Variants in C20orf173 observed in about 807,000 individuals in gnomAD.
The protein encoded by C20orf173 is chromosome 20 open reading frame 173.
A neutral mutation model predicts 26.7 loss-of-function variants in C20orf173; 22 were observed. That is an observed-to-expected ratio of 0.82 (90% CI 0.59 to 1.18). The LOEUF is 1.18. C20orf173 is among the 50% of genes most tolerant of loss of function. The probability of loss-of-function intolerance (pLI) is 0.00; values close to 1 mark genes in which losing one functional copy is unlikely to be tolerated. For synonymous variants in C20orf173, 85 were observed against 96.4 expected (o/e 0.88, Z 0.69); for missense variants, 210 against 250.3 (o/e 0.84, Z 1.09).
downstream of C20orf173, among the ~76,000 whole-genome samples, chr20:35,524,184 A>AT (rs142719695): frequency 1.0e-3 from 149 of 148,744 alleles, 1 homozygote; most frequent in African/African-American, 3.5e-3. Context: ...TGCCCGGCTA[A>AT]TTTTTTTTTT....
chr20:35,526,413 C>T (rs1176086907), downstream of C20orf173, among the ~76,000 whole-genome samples: 1 of 152,086 alleles, frequency 6.6e-6, no homozygotes, highest in Non-Finnish European at 1.5e-5. Flanking sequence ...ATTGCTTGAG[C>T]CTAGGAGTTC....
rs1050191157 is a variant in C20orf173, at chr20:35,528,812, G to A, written c.377C>T (p.Ser126Leu). ...RKLFKGIPRL[S>L]VSHFDFYCGT... ...ACAATAGAAATCAAAATGGCTCACC[G>A]AGAGCCTGGGAATCCCTTTAAACAG... The change falls in exon 3 of 6, where the codon TCG (serine) becomes TTG (leucine). Residue 126 changes from serine (S) to leucine (L), a missense_variant. Ser to Leu is a moderately radical substitution (Grantham distance 145, BLOSUM62 -2). Transcript: ENST00000444723. 9.7e-6 allele frequency: 15 copies of A among 1,551,418 alleles called. No individual in the cohort carries two copies. Among genetic ancestry groups the A allele is most frequent in the Admixed American group, 3.9e-5 (2 of 50,948 alleles).
At position 35,529,306 on chromosome 20, in the gene C20orf173, T is replaced by C. The variant is rs1299396428; in HGVS notation, c.68A>G (p.Tyr23Cys). 6 of 1,551,354 alleles carry C rather than the reference T, an allele frequency of 3.9e-6. No individual in the cohort carries two copies. The highest frequency in any genetic ancestry group is 2.4e-5 in the East Asian group (1 of 40,920). Residue 23 changes from tyrosine to cysteine, a missense_variant, in exon 2 of 6, where the codon TAT becomes TGT. Physicochemically the swap from Tyr to Cys is radical, Grantham distance 194. Transcript: ENST00000444723. ...TGCTGATTCAGGTGTCAGATCCAGA[T>C]AGGGGGTCATCAGCCAGAGGATGAG... is the stretch of plus-strand genomic sequence containing the variant. ...WVLILWLMTP[Y>C]LDLTPESAPQ...
chr20:35,529,335 C>G lies in C20orf173; in HGVS notation c.39G>C (p.Trp13Cys), dbSNP rs1399227557. The change falls in exon 2 of 6, where the codon TGG becomes TGC. Residue 13 changes from tryptophan (W) to cysteine (C), a missense_variant. Coordinates refer to ENST00000444723, the MANE Select transcript of C20orf173 (RefSeq NM_001145350.2). ...RWQIFVLWVF[W>C]VLILWLMTPY... ...GGGTCATCAGCCAGAGGATGAGCAC[C>G]CAAAAGACCCACAGGACAAAAATCT... The G allele has an allele frequency of 1.3e-6, 2 of 1,548,774 alleles. No individual in the cohort carries two copies. Among genetic ancestry groups the G allele is most frequent in the African/African-American group, 1.4e-5 (1 of 72,984 alleles).
chr20:35,528,936 G>A (rs774590703), intron 2 of C20orf173, 57 bp from the exon 3 acceptor site: 362 of 1,546,312 alleles, frequency 2.3e-4, no homozygotes, highest in Non-Finnish European at 6.9e-5. Flanking sequence ...AAACAGAGCT[G>A]GGTGGGTGAG....
downstream of C20orf173, among the ~76,000 whole-genome samples, chr20:35,526,808 GC>G (rs2064505900): frequency 2.0e-5 from 3 of 152,064 alleles, no homozygotes; most frequent in Admixed American, 1.3e-4. Flanking sequence ...TGGGTAAAGA[GC>G]CTCCCCCAAC....
chr20:35,529,185 G>A lies in C20orf173; in HGVS notation c.189C>T (p.Cys63=), dbSNP rs1437832170. The change falls in exon 2 of 6, where the codon TGC becomes TGT. Residue 63 remains cysteine, a synonymous_variant. Coordinates refer to ENST00000444723, the MANE Select transcript of C20orf173 (RefSeq NM_001145350.2). ...KCGCPSETLN[C]SSCHHTADEW... ...CGTCGGCTGTGTGGTGGCAGGAGGA[G>A]CAGTTGAGGGTCTCAGAAGGGCAGC... The A allele has an allele frequency of 1.3e-6, 2 of 1,551,706 alleles. No individual in the cohort carries two copies. The highest frequency in any genetic ancestry group is 1.4e-5 in the African/African-American group (1 of 73,150).
downstream of C20orf173, among the ~76,000 whole-genome samples, chr20:35,525,191 A>G (rs2064496343): frequency 6.6e-6 from 1 of 152,110 alleles, no homozygotes; most frequent in Admixed American, 6.6e-5. Flanking sequence ...TGCAGATACA[A>G]TGAAATTAAA....
chr20:35,522,571 G>C (rs1967943487), downstream of C20orf173: 1 of 152,700 alleles, frequency 6.5e-6, no homozygotes, highest in South Asian at 2.1e-4. Flanking sequence ...CAAAGCCTCA[G>C]ACAGGGGCCT....
Position 35,529,264 on chromosome 20 carries a change from A to AT in C20orf173, c.109dup (p.Met37AsnfsTer23). On this transcript the variant is annotated frameshift_variant, in exon 2 of 6. Transcript: ENST00000444723. LOFTEE classifies it high-confidence loss of function. The stretch of plus-strand genomic sequence containing the variant: ...GTCGCAATGCTGTGGTACCAAGTAC[A>AT]TTCGTTTTTCCTGGGGTGCTGATTC... 6.4e-7 allele frequency: 1 copy of AT among 1,551,666 alleles called. No homozygotes were observed.
intron 4 of C20orf173, 65 bp from the exon 5 acceptor site, chr20:35,528,349 CCAGTAAGCCAAT>C: frequency 6.5e-7 from 1 of 1,549,426 alleles, no homozygotes; most frequent in Non-Finnish European, 8.7e-7. Flanking sequence ...GCAAGTGTCC[CCAGTAAGCCAAT>C]AGAAGGTCTT....
chr20:35,525,060 T>C (rs920939874), downstream of C20orf173, among the ~76,000 whole-genome samples: 1 of 151,728 alleles, frequency 6.6e-6, no homozygotes, highest in Non-Finnish European at 1.5e-5. Flanking sequence ...TAAGTTTGCA[T>C]GTCTAGAAAC....
downstream of C20orf173, chr20:35,522,881 AATT>A (rs972947384): frequency 6.6e-6 from 1 of 152,534 alleles, no homozygotes; most frequent in Non-Finnish European, 1.5e-5. Flanking sequence ...AGGAGGGAAG[AATT>A]TAGGGGCTTG....
Position 35,529,289 on chromosome 20 carries a change from C to T in C20orf173, c.85G>A (p.Glu29Lys). The T allele has an allele frequency of 6.4e-7, 1 of 1,551,502 alleles. No homozygotes were observed. The highest frequency in any genetic ancestry group is 1.2e-5 in the South Asian group (1 of 84,060). Residue 29 changes from glutamate (E) to lysine (K), a missense_variant, in exon 2 of 6, where the codon GAA (glutamate) becomes AAA (lysine). Glu to Lys is a moderately conservative substitution (Grantham distance 56). Transcript: ENST00000444723. ...LMTPYLDLTP[E>K]SAPQEKRMYL... ...ATTCGTTTTTCCTGGGGTGCTGATT[C>T]AGGTGTCAGATCCAGATAGGGGGTC...
downstream of C20orf173, among the ~76,000 whole-genome samples, chr20:35,521,629 A>G (rs1485863777): frequency 2.8e-5 from 4 of 144,480 alleles, no homozygotes; most frequent in Non-Finnish European, 6.0e-5. Context: ...TTTTTTTGAG[A>G]TGGAGTTTTG....
chr20:35,526,628 CAAAA>C (rs1286748298), downstream of C20orf173, among the ~76,000 whole-genome samples: 1 of 53,556 alleles, frequency 1.9e-5, no homozygotes, highest in African/African-American at 7.1e-5. Flanking sequence ...ACTCTTGTCT[CAAAA>C]AAAAAAAAAA....
At chr20:35,522,386 C>T (rs1456936217), downstream of C20orf173, 1 of 152,436 alleles carries the variant, frequency 6.6e-6, no homozygotes, top group Non-Finnish European at 1.5e-5. Flanking sequence ...CACTCCCTGA[C>T]ATACCCAGGG....
chr20:35,528,948 T>G, intron 2 of C20orf173, 69 bp from the exon 3 acceptor site: 3 of 1,541,930 alleles, frequency 1.9e-6, no homozygotes, highest in Non-Finnish European at 2.6e-6. Context: ...GTGGGTGAGA[T>G]CTCCATCCAG....
chr20:35,529,239 GTCGCAATGCTGTGGTACCAAGTACAT>G lies in C20orf173; in HGVS notation c.109_134del (p.Met37LeufsTer14). ...ACTTCCCGGAACTGAACCAAGGGCA[GTCGCAATGCTGTGGTACCAAGTACAT>G]TCGTTTTTCCTGGGGTGCTGATTCA... On this transcript the variant is annotated frameshift_variant, in exon 2 of 6. Coordinates refer to ENST00000444723, the MANE Select transcript of C20orf173 (RefSeq NM_001145350.2). LOFTEE classifies it high-confidence loss of function. The G allele has an allele frequency of 7.1e-6, 11 of 1,551,738 alleles. No homozygotes were observed. Among genetic ancestry groups the G allele is most frequent in the Non-Finnish European group, 9.6e-6 (11 of 1,147,004 alleles).
Sources: gnomAD v4.1 joint callset for allele counts (sites outside exome capture counted in the v4.1 genomes callset) on GRCh38, gnomAD v4.1.1 for gene constraint, MANE v1.5 for transcripts, NCBI Gene and HGNC (gene_info 2026-07-23, HGNC 2026-07-21) for gene names.